Variants in SRBD1 observed in about 807,000 individuals in gnomAD.
SRBD1 encodes the protein S1 RNA-binding domain-containing protein 1.
Under a neutral mutation model 115.3 loss-of-function variants are expected in SRBD1, and 88 were observed. The ratio of observed to expected loss-of-function variants is 0.76; its 90% CI spans 0.64 to 0.91. The LOEUF (loss-of-function observed/expected upper bound fraction) is 0.91. Among genes scored for constraint, SRBD1 ranks in the 40% least tolerant of loss-of-function variants. The pLI, the probability that SRBD1 is intolerant of heterozygous loss-of-function variation, is 0.00. For synonymous variants in SRBD1, 509 were observed against 407.7 expected, an observed-to-expected ratio of 1.25 and a Z score of -2.99; for missense variants, 1,385 against 1,177.4, an observed-to-expected ratio of 1.18 and a Z score of -2.58.
At chr2:45,521,744 A>G (rs1671290486) in intron 14 of SRBD1, among the ~76,000 whole-genome samples, 1 of 151,734 alleles carries the variant, frequency 6.6e-6, no homozygotes, top group South Asian at 2.1e-4. Context: ...AAGTGGGAGG[A>G]TCACTTGAGC....
chr2:45,418,517 G>A lies in SRBD1; in HGVS notation c.2181C>T (p.Asn727=). ...GCCATTCAATAATATTTTTGGCCCT[G>A]TTGGCATTGAGTCCTGCAATATGCC... ...LLRHIAGLNA[N]RAKNIIEWRE... is the part of the protein sequence containing the mutation. The change falls in exon 18 of 21, where the codon AAC becomes AAT. Residue 727 remains asparagine, a synonymous_variant. Coordinates refer to ENST00000263736, the MANE Select transcript of SRBD1 (RefSeq NM_018079.5). 1 of 1,608,098 alleles carries A rather than the reference G, an allele frequency of 6.2e-7. No homozygotes were observed. The highest frequency in any genetic ancestry group is 8.5e-7 in the Non-Finnish European group (1 of 1,176,750).
intron 9 of SRBD1, among the ~76,000 whole-genome samples, chr2:45,563,550 A>G (rs546140430): frequency 1.3e-5 from 2 of 152,088 alleles, no homozygotes; most frequent in East Asian, 3.9e-4. Flanking sequence ...AAATTAACAG[A>G]CCTTTCGCTA....
At chr2:45,597,744 A>G (rs1673948616) in intron 4 of SRBD1, among the ~76,000 whole-genome samples, 1 of 151,426 alleles carries the variant, frequency 6.6e-6, no homozygotes, top group Admixed American at 6.6e-5. Context: ...TTGGTGAAAA[A>G]CTCTTTTCTA....
intron 16 of SRBD1, among the ~76,000 whole-genome samples, chr2:45,457,695 A>G (rs1669196644): frequency 6.6e-6 from 1 of 152,034 alleles, no homozygotes; most frequent in Non-Finnish European, 1.5e-5. Context: ...GTAAAAACCT[A>G]AATATTAACT....
At chr2:45,443,209 CTTTCTCAG>C (rs1182612201) in intron 16 of SRBD1, among the ~76,000 whole-genome samples, 1 of 152,116 alleles carries the variant, frequency 6.6e-6, no homozygotes, top group Non-Finnish European at 1.5e-5. Context: ...TGGTAAGAGA[CTTTCTCAG>C]TATATCAAGA....
chr2:45,601,145 T>C (rs1246988934), intron 3 of SRBD1, among the ~76,000 whole-genome samples: 1 of 152,220 alleles, frequency 6.6e-6, no homozygotes, highest in African/African-American at 2.4e-5. Flanking sequence ...CTTCAAGCTA[T>C]TAAAACATTC....
At chr2:45,558,864 G>T (rs1191566523) in intron 10 of SRBD1, among the ~76,000 whole-genome samples, 1 of 151,824 alleles carries the variant, frequency 6.6e-6, no homozygotes, top group Non-Finnish European at 1.5e-5. Context: ...GTTAATTTTT[G>T]TATTTTGTGT....
intron 14 of SRBD1, among the ~76,000 whole-genome samples, chr2:45,495,807 G>A (rs1670439621): frequency 1.3e-5 from 2 of 152,114 alleles, no homozygotes; most frequent in African/African-American, 2.4e-5. Context: ...CTGCTAACAA[G>A]ATACAAAACC....
At chr2:45,412,640 T>C (rs1667636828) in intron 19 of SRBD1, among the ~76,000 whole-genome samples, 1 of 152,226 alleles carries the variant, frequency 6.6e-6, no homozygotes, top group African/African-American at 2.4e-5. Flanking sequence ...ACTTCCCTTC[T>C]ACTCAAAAAC....
At chr2:45,430,210 C>T (rs965480682) in intron 16 of SRBD1, among the ~76,000 whole-genome samples, 2 of 152,142 alleles carry the variant, frequency 1.3e-5, no homozygotes, top group Non-Finnish European at 2.9e-5. Flanking sequence ...AATGGCCATA[C>T]TGCCCTAAGT....
intron 4 of SRBD1, among the ~76,000 whole-genome samples, chr2:45,587,069 A>T (rs190757503): frequency 0.014 from 938 of 67,784 alleles, 47 homozygotes; most frequent in African/African-American, 0.039. Flanking sequence ...TAAATTATAA[A>T]TATTAAAATA....
chr2:45,398,904 G>T (rs536171750), intron 19 of SRBD1, among the ~76,000 whole-genome samples: 5 of 152,118 alleles, frequency 3.3e-5, no homozygotes, highest in Non-Finnish European at 5.9e-5. Context: ...AAATGAGTAT[G>T]AGTATATAAA....
At chr2:45,444,892 G>T (rs72880649) in intron 16 of SRBD1, among the ~76,000 whole-genome samples, 1 of 152,312 alleles carries the variant, frequency 6.6e-6, no homozygotes, top group African/African-American at 2.4e-5. Context: ...ATGAAAGTAA[G>T]CCTTCAGAAG....
At chr2:45,539,559 G>C (rs573486383) in intron 14 of SRBD1, among the ~76,000 whole-genome samples, 5 of 152,270 alleles carry the variant, frequency 3.3e-5, no homozygotes, top group Non-Finnish European at 7.4e-5. Context: ...CTCAAACTCA[G>C]TCACGGGCTG....
At chr2:45,444,134 A>C (rs1031341579) in intron 16 of SRBD1, among the ~76,000 whole-genome samples, 1 of 152,188 alleles carries the variant, frequency 6.6e-6, no homozygotes, top group African/African-American at 2.4e-5. Context: ...GGCCAGGAGC[A>C]GTGGCTCACA....
At chr2:45,583,034 T>C (rs1211036460) in intron 5 of SRBD1, among the ~76,000 whole-genome samples, 1 of 152,182 alleles carries the variant, frequency 6.6e-6, no homozygotes, top group African/African-American at 2.4e-5. Flanking sequence ...ACAACAGGTT[T>C]TCACTGTGAA....
chr2:45,526,326 G>A (rs1671440337), intron 14 of SRBD1, among the ~76,000 whole-genome samples: 1 of 151,972 alleles, frequency 6.6e-6, no homozygotes, highest in African/African-American at 2.4e-5. Context: ...TCGAAAACAT[G>A]CTAACGGAAA....
At chr2:45,463,837 C>T (rs1669399395) in intron 16 of SRBD1, among the ~76,000 whole-genome samples, 1 of 151,998 alleles carries the variant, frequency 6.6e-6, no homozygotes. Flanking sequence ...CACACATAAC[C>T]AGTACACTAA....
chr2:45,581,626 A>T (rs572672478), intron 6 of SRBD1, 67 bp downstream of exon 6: 170 of 1,157,528 alleles, frequency 1.5e-4, no homozygotes, highest in Non-Finnish European at 2.0e-4. Context: ...GGTGTTCTTT[A>T]ATCATAAGAA....
Sources: gnomAD v4.1 joint callset for allele counts (sites outside exome capture counted in the v4.1 genomes callset) on GRCh38, gnomAD v4.1.1 for gene constraint, MANE v1.5 for transcripts, NCBI Gene and HGNC (gene_info 2026-07-23, HGNC 2026-07-21) for gene names.